CYP2C19: variants seen among roughly 807,000 people sequenced by gnomAD.
CYP2C19 encodes the protein cytochrome P450 2C19.
In CYP2C19, 59 loss-of-function variants were observed where a neutral mutation model predicts 40.9. The observed-to-expected ratio is 1.44, with a 90% CI of 1.17 to 1.79. The LOEUF is 1.79. Ranked by LOEUF, CYP2C19 falls within the 40% of genes most tolerant of loss-of-function variation. The pLI is 0.00. For missense variants in CYP2C19, 754 were observed against 596.9 expected (o/e 1.26, Z -2.74); for synonymous variants, 253 against 208.7 (o/e 1.21, Z -1.83).
At chr10:94,770,175 T>C (rs1454787155) in intron 1 of CYP2C19, among the ~76,000 whole-genome samples, 2 of 151,992 alleles carry the variant, frequency 1.3e-5, no homozygotes, top group Non-Finnish European at 2.9e-5. Flanking sequence ...GGTGATGACA[T>C]GGGCTGGCAC....
At chr10:94,809,968 G>A (rs1848889500) in intron 5 of CYP2C19, among the ~76,000 whole-genome samples, 1 of 152,048 alleles carries the variant, frequency 6.6e-6, no homozygotes, top group African/African-American at 2.4e-5. Flanking sequence ...TGCAACTTCT[G>A]CCTTTCAGAT....
In CYP2C19 at chr10:94,842,889, C is replaced by A. The variant is rs370320936; in HGVS notation, c.1014C>A (p.Cys338Ter). The stretch of plus-strand genomic sequence containing the variant: ...TCATTGGCAGAAACCGGAGCCCCTG[C>A]ATGCAGGACAGGGGCCACATGCCCT... ...ERVIGRNRSP[C>*]MQDRGHMPYT... is the part of the protein sequence containing the mutation. The change falls in exon 7 of 9, where the codon TGC becomes TGA. Residue 338 changes from cysteine to a stop codon, truncating the protein, a stop_gained. Coordinates refer to ENST00000371321, the MANE Select transcript of CYP2C19 (RefSeq NM_000769.4). LOFTEE classifies it high-confidence loss of function. 1.2e-6 allele frequency: 2 copies of A among 1,614,192 alleles called. No individual in the cohort carries two copies.
Position 94,765,670 on chromosome 10 carries a change from G to T in CYP2C19, c.168+2797G>T, listed in dbSNP as rs549446592. Among the ~76,000 whole-genome samples the T allele has an allele frequency of 3.3e-5, 5 of 152,168 alleles. No individual in the cohort carries two copies. The South Asian group carries it at 8.3e-4, about 25-fold the overall frequency. ...GGGAGCTGCTGCAGGGGATCCAGGG[G>T]TGAATGGTCATGCAGGGAGTATGTT... On this transcript the variant is annotated intron_variant, in intron 1 of 8. Transcript: ENST00000371321.
At chr10:94,795,257 G>C (rs977189119) in intron 5 of CYP2C19, among the ~76,000 whole-genome samples, 1 of 147,910 alleles carries the variant, frequency 6.8e-6, no homozygotes, top group Non-Finnish European at 1.5e-5. Flanking sequence ...TACGGTGTTT[G>C]GTTTTTTCTC....
intron 5 of CYP2C19, among the ~76,000 whole-genome samples, chr10:94,810,068 G>C (rs907004289): frequency 1.3e-5 from 2 of 152,102 alleles, no homozygotes; most frequent in African/African-American, 2.4e-5. Flanking sequence ...CTTTAGTAGA[G>C]ACTGAGTTTC....
intron 5 of CYP2C19, among the ~76,000 whole-genome samples, chr10:94,797,506 A>G (rs1241291680): frequency 1.3e-5 from 2 of 152,064 alleles, no homozygotes; most frequent in African/African-American, 4.8e-5. Flanking sequence ...GGCCTCATAA[A>G]ATTAGTTAGG....
At chr10:94,821,220 A>G (rs1849116606) in intron 6 of CYP2C19, among the ~76,000 whole-genome samples, 1 of 152,228 alleles carries the variant, frequency 6.6e-6, no homozygotes, top group African/African-American at 2.4e-5. Flanking sequence ...TCTGGATTTC[A>G]TCGACAGTGA....
chr10:94,812,359 G>C (rs1420270816), intron 5 of CYP2C19, among the ~76,000 whole-genome samples: 2 of 151,842 alleles, frequency 1.3e-5, no homozygotes, highest in Non-Finnish European at 2.9e-5. Flanking sequence ...TCTTGGGGTT[G>C]CCCTTCTTGA....
intron 5 of CYP2C19, among the ~76,000 whole-genome samples, chr10:94,792,604 C>T (rs1462254490): frequency 6.6e-6 from 1 of 152,098 alleles, no homozygotes; most frequent in African/African-American, 2.4e-5. Context: ...ATTTCTCCTT[C>T]GTTTATGAAG....
intron 7 of CYP2C19, 66 bp from the exon 8 acceptor site, chr10:94,849,851 T>C (rs749780509): frequency 2.5e-6 from 4 of 1,577,050 alleles, no homozygotes; most frequent in Non-Finnish European, 3.5e-6. Context: ...ACTGCATGAT[T>C]ACCACTGTTT....
intron 5 of CYP2C19, among the ~76,000 whole-genome samples, chr10:94,800,738 C>T (rs1024024733): frequency 6.6e-6 from 1 of 152,176 alleles, no homozygotes; most frequent in Admixed American, 6.5e-5. Flanking sequence ...GATGCCCCTT[C>T]CCCCACCTGG....
intron 6 of CYP2C19, among the ~76,000 whole-genome samples, chr10:94,833,178 C>G (rs1193195639): frequency 1.3e-5 from 2 of 152,042 alleles, no homozygotes; most frequent in African/African-American, 4.8e-5. Flanking sequence ...TAGGTTTTTC[C>G]TAGTATAAGG....
chr10:94,772,943 G>A lies in CYP2C19; in HGVS notation c.169-2115G>A, dbSNP rs528852880. Among the ~76,000 whole-genome samples, 424 of 152,142 alleles carry A rather than the reference G, an allele frequency of 2.8e-3. 2 individuals are homozygous for A. Among genetic ancestry groups the A allele is most frequent in the African/African-American group, 9.4e-3 (388 of 41,444 alleles). Reference sequence around the variant, plus strand: ...ACTACAGGCGCCCGCCACCGCGCCCGGCTAATTTTTTGTATTTTTAGTAGA... The same window carrying A: ...ACTACAGGCGCCCGCCACCGCGCCCAGCTAATTTTTTGTATTTTTAGTAGA... On this transcript the variant is annotated intron_variant, in intron 1 of 8. Coordinates refer to ENST00000371321, the MANE Select transcript of CYP2C19 (RefSeq NM_000769.4).
rs149724944 is a variant in CYP2C19 at position 94,797,028 on chromosome 10, G to A, written c.819+15031G>A. 2.6e-4 allele frequency among the ~76,000 whole-genome samples: 39 copies of A among 152,146 alleles called. No individual in the cohort carries two copies. The East Asian group carries it at 4.8e-3, about 19-fold the overall frequency. On this transcript the variant is annotated intron_variant, in intron 5 of 8. Transcript: ENST00000371321. ...CCCCGGCGAGAACTTCCAACACTGC[G>A]TTGAATAGGAGTGGTGAGAGAGGGC...
At chr10:94,818,338 T>C (rs1450872614) in intron 5 of CYP2C19, among the ~76,000 whole-genome samples, 1 of 151,474 alleles carries the variant, frequency 6.6e-6, no homozygotes, top group Non-Finnish European at 1.5e-5. Context: ...CCTCCAGCTT[T>C]GTTCTTTTGG....
At chr10:94,764,909 G>A (rs1848219982) in intron 1 of CYP2C19, among the ~76,000 whole-genome samples, 1 of 152,112 alleles carries the variant, frequency 6.6e-6, no homozygotes, top group African/African-American at 2.4e-5. Context: ...AGCATTGTCT[G>A]ATTTCAGAAG....
At chr10:94,808,430 A>G (rs1166981020) in intron 5 of CYP2C19, among the ~76,000 whole-genome samples, 1 of 152,184 alleles carries the variant, frequency 6.6e-6, no homozygotes, top group Non-Finnish European at 1.5e-5. Context: ...TTTATGTTAC[A>G]GACAATCGAA....
chr10:94,803,794 G>GGA (rs1367363525), intron 5 of CYP2C19, among the ~76,000 whole-genome samples: 1 of 152,168 alleles, frequency 6.6e-6, no homozygotes, highest in African/African-American at 2.4e-5. Flanking sequence ...TGAGTGTGAA[G>GGA]GAGAGAGAGC....
chr10:94,848,413 C>T lies in CYP2C19; in HGVS notation c.1150-1504C>T, dbSNP rs113584955. Among the ~76,000 whole-genome samples the T allele has an allele frequency of 3.1e-3, 473 of 152,210 alleles. 3 individuals are homozygous for T. The highest frequency in any genetic ancestry group is 0.011 in the African/African-American group (450 of 41,532). On this transcript the variant is annotated intron_variant, in intron 7 of 8. Transcript: ENST00000371321. ...AGATGTGTGGTATTATTTCTGTTGG[C>T]TCTGTTCTGTTCCATTGGTCTACAT...
Sources: allele counts gnomAD v4.1 joint callset (sites outside exome capture counted in the v4.1 genomes callset), GRCh38; gene constraint gnomAD v4.1.1; transcripts MANE v1.5; gene names NCBI Gene and HGNC (gene_info 2026-07-23, HGNC 2026-07-21).